Variants in BOD1L1 observed in about 807,000 individuals in gnomAD.
BOD1L1 encodes the protein biorientation of chromosomes in cell division protein 1-like 1.
In BOD1L1, 86 loss-of-function variants were observed where a neutral mutation model predicts 240.7. That is an observed-to-expected ratio of 0.36 (90% CI 0.30 to 0.43). The LOEUF (loss-of-function observed/expected upper bound fraction) is 0.43, where lower values mean the gene tolerates loss of function less well. Among genes scored for constraint, BOD1L1 ranks in the 20% least tolerant of loss-of-function variants. The pLI, the probability that BOD1L1 is intolerant of heterozygous loss-of-function variation, is 1.00. For missense variants in BOD1L1, 3,554 were observed against 3,643.5 expected, an observed-to-expected ratio of 0.98 and a Z score of 0.63; for synonymous variants, 1,268 against 1,272.3, an observed-to-expected ratio of 1.00 and a Z score of 0.07.
In BOD1L1 at chr4:13,601,017, T is replaced by C; in HGVS notation, c.5883A>G (p.Ala1961=). ...KGIVESSVTS[A]VSGKDEVTPV... ...GTGTCACTTCATCCTTTCCTGAGACTGCACTGGTCACACTGCTTTCTACAA... is the reference window on the plus strand; with the variant it reads ...GTGTCACTTCATCCTTTCCTGAGACCGCACTGGTCACACTGCTTTCTACAA... Residue 1961 remains alanine (A), a synonymous_variant, in exon 10 of 26, where the codon GCA becomes GCG. Coordinates refer to ENST00000040738, the MANE Select transcript of BOD1L1 (RefSeq NM_148894.3). The C allele has an allele frequency of 6.2e-7, 1 of 1,614,052 alleles. No homozygotes were observed. The highest frequency in any genetic ancestry group is 8.5e-7 in the Non-Finnish European group (1 of 1,179,896).
In BOD1L1 at chr4:13,600,626, C is replaced by T. The variant is rs1472089125; in HGVS notation, c.6274G>A (p.Glu2092Lys). ...CTCAGAGCATCTGAGAGACCTCCTT[C>T]CACATCTGTAATTGCGCTTACCTGA... ...TPQVSAITDV[E>K]GGLSDALRTE... Residue 2092 changes from glutamate (E) to lysine (K), a missense_variant, in exon 10 of 26, where the codon GAA becomes AAA. Around this residue, in one of 2 missense-constraint regions of BOD1L1, gnomAD observed 3,393 missense variants for 3,427.1 expected, o/e 0.99. Transcript: ENST00000040738. 6.2e-7 allele frequency: 1 copy of T among 1,613,894 alleles called. No homozygotes were observed. Among genetic ancestry groups the T allele is most frequent in the Non-Finnish European group, 8.5e-7 (1 of 1,179,838 alleles).
At chr4:13,587,048 T>C (rs558579397) in intron 16 of BOD1L1, among the ~76,000 whole-genome samples, 3 of 152,364 alleles carry the variant, frequency 2.0e-5, no homozygotes, top group East Asian at 3.9e-4. Flanking sequence ...TTCTTTCTCA[T>C]GTAGTCATTC....
intron 22 of BOD1L1, among the ~76,000 whole-genome samples, chr4:13,579,699 T>C (rs527904388): frequency 1.3e-5 from 2 of 152,338 alleles, no homozygotes; most frequent in South Asian, 4.1e-4. Flanking sequence ...TGGAATATAT[T>C]CTTCTCCTTG....
chr4:13,603,077 A>G lies in BOD1L1; in HGVS notation c.3823T>C (p.Ser1275Pro). 1 of 1,613,996 alleles carries G rather than the reference A, an allele frequency of 6.2e-7. No individual in the cohort carries two copies. Among genetic ancestry groups the G allele is most frequent in the Non-Finnish European group, 8.5e-7 (1 of 1,179,870 alleles). The stretch of plus-strand genomic sequence containing the variant: ...GATGGTGAGGAGTCTAAATTTGTGG[A>G]ATGTTCAAGAGTGGCATCTCCTTGA... ...VAQGDATLEHSTNLDSSPSLS... is the reference protein window; with the variant it reads ...VAQGDATLEHPTNLDSSPSLS... The change falls in exon 10 of 26, where the codon TCC (serine) becomes CCC (proline). Residue 1275 changes from serine to proline, a missense_variant. This residue lies in a region of BOD1L1 where 3,393 missense variants were observed against 3,427.1 expected (regional missense o/e 0.99). Coordinates refer to ENST00000040738, the MANE Select transcript of BOD1L1 (RefSeq NM_148894.3).
In BOD1L1 at chr4:13,601,005, C is replaced by T; in HGVS notation, c.5895G>A (p.Lys1965=). 1 of 1,613,728 alleles carries T rather than the reference C, an allele frequency of 6.2e-7. No individual in the cohort carries two copies. The highest frequency in any genetic ancestry group is 2.2e-5 in the East Asian group (1 of 44,822). ...ESSVTSAVSG[K]DEVTPVPGGC... Reference sequence around the variant, plus strand: ...CTCCTGGAACTGGTGTCACTTCATCCTTTCCTGAGACTGCACTGGTCACAC... The same window carrying T: ...CTCCTGGAACTGGTGTCACTTCATCTTTTCCTGAGACTGCACTGGTCACAC... Residue 1965 remains lysine (K), a synonymous_variant, in exon 10 of 26, where the codon AAG becomes AAA. Coordinates refer to ENST00000040738, the MANE Select transcript of BOD1L1 (RefSeq NM_148894.3).
rs1714122395 is a variant in BOD1L1, at chr4:13,590,581, T to C, written c.8149-135A>G. 7.0e-6 allele frequency: 3 copies of C among 429,744 alleles called. No homozygotes were observed. The South Asian group carries it at 1.6e-4, about 22-fold the overall frequency. The allele number at this position is 429,744 out of a possible 1,614,324, so 26.6% of individuals were successfully genotyped here. On this transcript the variant is annotated intron_variant, in intron 13 of 25. Coordinates refer to ENST00000040738, the MANE Select transcript of BOD1L1 (RefSeq NM_148894.3). ...AAAAGGAATTGGGGTACATATTCTT[T>C]TTAATTTCACCCAGAAGCTCAAAAG... is the stretch of plus-strand genomic sequence containing the variant.
intron 5 of BOD1L1, among the ~76,000 whole-genome samples, chr4:13,612,113 A>T (rs947924652): frequency 1.3e-5 from 2 of 152,126 alleles, no homozygotes; most frequent in African/African-American, 4.8e-5. Context: ...TGCAGAGCTG[A>T]CCTCATGAGG....
At chr4:13,623,830 A>G (rs945416448) in intron 1 of BOD1L1, 6 of 152,210 alleles carry the variant, frequency 3.9e-5, no homozygotes, top group Non-Finnish European at 8.8e-5. Context: ...TCTATATGCT[A>G]CAAGTTAAGA....
intron 1 of BOD1L1, among the ~76,000 whole-genome samples, chr4:13,626,475 G>A (rs952294808): frequency 3.9e-5 from 6 of 152,132 alleles, no homozygotes; most frequent in African/African-American, 1.4e-4. Context: ...ACTGTACTGT[G>A]GTTTTCCATC....
At chr4:13,616,499 C>T (rs540638607) in intron 2 of BOD1L1, among the ~76,000 whole-genome samples, 1 of 152,246 alleles carries the variant, frequency 6.6e-6, no homozygotes, top group African/African-American at 2.4e-5. Flanking sequence ...AATAAGAGAA[C>T]GTGAATTTAT....
rs762975497 is a variant in BOD1L1, at chr4:13,601,776, A to G, written c.5124T>C (p.Asp1708=). ...TTCTCATCATATTTCCCTGGGAGCC[A>G]TCCACCTCTTCACTGCTTATAGATC... is the stretch of plus-strand genomic sequence containing the variant. ...RAGSISSEEV[D]GSQGNMMRMG... Residue 1708 remains aspartate, a synonymous_variant, in exon 10 of 26, where the codon GAT becomes GAC. Coordinates refer to ENST00000040738, the MANE Select transcript of BOD1L1 (RefSeq NM_148894.3). 10 of 1,613,858 alleles carry G rather than the reference A, an allele frequency of 6.2e-6. No individual in the cohort carries two copies. Among genetic ancestry groups the G allele is most frequent in the Admixed American group, 1.7e-5 (1 of 60,004 alleles).
At chr4:13,595,729 A>G (rs1714565962) in intron 12 of BOD1L1, 131 bp downstream of exon 12, 1 of 627,076 alleles carries the variant, frequency 1.6e-6, no homozygotes, top group Non-Finnish European at 2.7e-6. Context: ...TCCCTAATCT[A>G]TTTTAAAAAG....
rs1319269390 is a variant in BOD1L1 at position 13,604,368 on chromosome 4, C to T, written c.2532G>A (p.Arg844=). The part of the protein sequence containing the change: ...EKTKAEHKSR[R]SSDSKIQKDS... ...CTTTCTGAATTTTAGAATCACTTGACCTTCTTGATTTGTGCTCTGCCTTAG... is the reference window on the plus strand; with the variant it reads ...CTTTCTGAATTTTAGAATCACTTGATCTTCTTGATTTGTGCTCTGCCTTAG... The change falls in exon 10 of 26, where the codon AGG becomes AGA. Residue 844 remains arginine (R), a synonymous_variant. Coordinates refer to ENST00000040738, the MANE Select transcript of BOD1L1 (RefSeq NM_148894.3). 2 of 1,582,332 alleles carry T rather than the reference C, an allele frequency of 1.3e-6. No individual in the cohort carries two copies. Among genetic ancestry groups the T allele is most frequent in the African/African-American group, 1.4e-5 (1 of 73,054 alleles).
At position 13,609,397 on chromosome 4, in the gene BOD1L1, T is replaced by C. The variant is rs1361816399; in HGVS notation, c.1501A>G (p.Lys501Glu). 8 of 1,520,364 alleles carry C rather than the reference T, an allele frequency of 5.3e-6. No homozygotes were observed. Among genetic ancestry groups the C allele is most frequent in the Non-Finnish European group, 5.3e-6 (6 of 1,137,178 alleles). The allele number at this position is 1,520,364 out of a possible 1,614,324, so 94.2% of individuals were successfully genotyped here. A position where few individuals can be genotyped will look rare whatever the true frequency, so the allele number is the denominator to read the frequency against. Residue 501 changes from lysine to glutamate, a missense_variant, in exon 7 of 26, where the codon AAA (lysine) becomes GAA (glutamate). By Grantham distance (56) the Lys-to-Glu change is moderately conservative (BLOSUM62 1). This residue lies in a region of BOD1L1 where 3,393 missense variants were observed against 3,427.1 expected (regional missense o/e 0.99). Transcript: ENST00000040738. ...TGCCTTCTTAAAAGCCTCTCTTCTT[T>C]TTCTTTGGCCTAAAACCACAAAATA... ...EQRRQSIAKE[K>E]EERLLRRQIN...
chr4:13,621,626 C>A (rs1407709902), intron 1 of BOD1L1, among the ~76,000 whole-genome samples: 1 of 152,186 alleles, frequency 6.6e-6, no homozygotes, highest in African/African-American at 2.4e-5. Context: ...CCTCCTCTAT[C>A]TCTCTTACAA....
chr4:13,581,100 G>A, intron 20 of BOD1L1, 32 bp downstream of exon 20: 1 of 1,559,816 alleles, frequency 6.4e-7, no homozygotes, highest in Non-Finnish European at 8.7e-7. Context: ...AAAATTTCTT[G>A]TGTGTGAACT....
In BOD1L1 at chr4:13,603,015, C is replaced by T. The variant is rs182239378; in HGVS notation, c.3885G>A (p.Ser1295=). The T allele has an allele frequency of 1.2e-4, 201 of 1,613,970 alleles. No homozygotes were observed. The highest frequency in any genetic ancestry group is 7.4e-4 in the East Asian group (33 of 44,890). The change falls in exon 10 of 26, where the codon TCG becomes TCA. Residue 1295 remains serine, a synonymous_variant. Transcript: ENST00000040738. ...SSVTVVPLRE[S]YDPDVIPLFD... ...ACAGAGGAATTACATCTGGATCATA[C>T]GATTCCCTCAGAGGCACAACAGTCA... is the stretch of plus-strand genomic sequence containing the variant.
chr4:13,570,144 T>C lies in BOD1L1; in HGVS notation c.9039-16A>G. ...TGTCTTTGATCTGCATTAAGCAAAG[T>C]CAAGGCAATGGTGAGGTTTAAAAGC... On this transcript the variant is annotated splice_polypyrimidine_tract_variant and intron_variant, in intron 25 of 25. Transcript: ENST00000040738. 2.0e-6 allele frequency: 3 copies of C among 1,528,364 alleles called. No individual in the cohort carries two copies. The highest frequency in any genetic ancestry group is 2.6e-6 in the Non-Finnish European group (3 of 1,138,250). 94.7% of individuals were successfully genotyped at this position (1,528,364 alleles called of 1,614,324 possible).
In BOD1L1 at chr4:13,602,072, T is replaced by G. The variant is rs1268629427; in HGVS notation, c.4828A>C (p.Thr1610Pro). The G allele has an allele frequency of 6.2e-7, 1 of 1,614,030 alleles. No individual in the cohort carries two copies. Among genetic ancestry groups the G allele is most frequent in the Admixed American group, 1.7e-5 (1 of 60,032 alleles). ...FAESETFLTS[T>P]KEGESGECAV... Reference sequence around the variant, plus strand: ...CACTCCCCACTTTCCCCTTCCTTAGTGCTTGTGAGGAAGGTTTCACTTTCA... The same window carrying G: ...CACTCCCCACTTTCCCCTTCCTTAGGGCTTGTGAGGAAGGTTTCACTTTCA... The change falls in exon 10 of 26, where the codon ACT becomes CCT. Residue 1610 changes from threonine to proline, a missense_variant. Transcript: ENST00000040738.
Sources: allele counts gnomAD v4.1 joint callset (sites outside exome capture counted in the v4.1 genomes callset), GRCh38; gene constraint gnomAD v4.1.1; regional missense constraint gnomAD v4.1.1; transcripts MANE v1.5; gene names NCBI Gene and HGNC (gene_info 2026-07-23, HGNC 2026-07-21).